The following IMPA2 variants were observed in gnomAD, a reference collection of about 807,000 sequenced individuals.
The protein encoded by IMPA2 is inositol monophosphatase 2, also known as IMP 2.
In IMPA2, 32 loss-of-function variants were observed where a neutral mutation model predicts 35.1. The observed-to-expected ratio is 0.91, with a 90% CI of 0.69 to 1.23. The LOEUF (loss-of-function observed/expected upper bound fraction) is 1.23, where lower values mean the gene tolerates loss of function less well. IMPA2 is among the 50% of genes most tolerant of loss of function. IMPA2 has a pLI of 0.00. For missense variants in IMPA2, 334 were observed against 387.6 expected (o/e 0.86, Z 1.16); for synonymous variants, 135 against 160.6 (o/e 0.84, Z 1.20).
At chr18:12,008,106 C>G (rs1024970879) in intron 2 of IMPA2, among the ~76,000 whole-genome samples, 1 of 152,182 alleles carries the variant, frequency 6.6e-6, no homozygotes, top group Non-Finnish European at 1.5e-5. Context: ...AGCAATTCTC[C>G]TCTCTCAGTC....
At chr18:11,994,955 G>A (rs995152678) in intron 1 of IMPA2, 3 of 152,488 alleles carry the variant, frequency 2.0e-5, no homozygotes, top group Non-Finnish European at 4.4e-5. Context: ...CATGAAGGAG[G>A]AGGACAGTGG....
At chr18:11,981,935 C>T (rs1405439913) in intron 1 of IMPA2, among the ~76,000 whole-genome samples, 170 bp downstream of exon 1, 2 of 152,194 alleles carry the variant, frequency 1.3e-5, no homozygotes, top group African/African-American at 4.8e-5. Context: ...GTGTCCTGGA[C>T]ACACCTCCCG....
chr18:11,983,666 C>T (rs1044546726), intron 1 of IMPA2, among the ~76,000 whole-genome samples: 3 of 152,126 alleles, frequency 2.0e-5, no homozygotes, highest in Middle Eastern at 3.4e-3. Context: ...AATAAAGATG[C>T]TGCCATTAGG....
intron 5 of IMPA2, among the ~76,000 whole-genome samples, chr18:12,022,416 G>A (rs1398203428): frequency 6.6e-6 from 1 of 151,100 alleles, no homozygotes; most frequent in African/African-American, 2.4e-5. Context: ...CCAGCTATTC[G>A]GGAGGCTGAG....
intron 1 of IMPA2, among the ~76,000 whole-genome samples, chr18:11,984,931 G>C (rs1384146200): frequency 7.0e-6 from 1 of 143,670 alleles, no homozygotes; most frequent in Non-Finnish European, 1.5e-5. Flanking sequence ...TCGTGCCACT[G>C]CACTCCAGCC....
At position 11,991,389 on chromosome 18, in the gene IMPA2, C is replaced by T. The variant is rs1217814904; in HGVS notation, c.97-7665C>T. Among the ~76,000 whole-genome samples the T allele has an allele frequency of 6.6e-6, 1 of 152,028 alleles. No homozygotes were observed. The highest frequency in any genetic ancestry group is 1.5e-5 in the Non-Finnish European group (1 of 68,006). On this transcript the variant is annotated intron_variant, in intron 1 of 7. Coordinates refer to ENST00000269159, the MANE Select transcript of IMPA2 (RefSeq NM_014214.3). The surrounding 1 kb of genome is among the most constrained non-coding windows in gnomAD (Gnocchi z 4.1). ...GGAGCCACGTCTGCTTGGACCAGCT[C>T]CTCCTCTTCCTCCCAGGGTTGAGGT...
At chr18:12,022,692 A>C (rs1331218896) in intron 5 of IMPA2, among the ~76,000 whole-genome samples, 2 of 151,096 alleles carry the variant, frequency 1.3e-5, no homozygotes, top group East Asian at 3.9e-4. Context: ...GGTTGTCATA[A>C]GTTTTTTCCC....
At chr18:11,993,147 A>T (rs1284153342) in intron 1 of IMPA2, among the ~76,000 whole-genome samples, 1 of 152,178 alleles carries the variant, frequency 6.6e-6, no homozygotes, top group Admixed American at 6.5e-5. Flanking sequence ...ACCTCATGTG[A>T]TTCCTAAAAC....
intron 1 of IMPA2, among the ~76,000 whole-genome samples, chr18:11,985,562 A>G (rs1247626316): frequency 1.3e-5 from 2 of 152,206 alleles, no homozygotes; most frequent in Non-Finnish European, 1.5e-5. Context: ...ATTTTTTTAT[A>G]CATTAGTTGT....
intron 1 of IMPA2, among the ~76,000 whole-genome samples, chr18:11,986,061 C>T (rs118021365): frequency 0.03 from 4,598 of 152,284 alleles, 88 homozygotes; most frequent in Non-Finnish European, 0.048. Flanking sequence ...ATTAGCTTCA[C>T]AGGAAATTCA....
intron 5 of IMPA2, among the ~76,000 whole-genome samples, chr18:12,026,622 C>T (rs1907887773): frequency 6.6e-6 from 1 of 152,140 alleles, no homozygotes; most frequent in South Asian, 2.1e-4. Flanking sequence ...TGGAAGCCTT[C>T]CCCACCCCCA....
chr18:12,027,206 G>C (rs549149898), intron 5 of IMPA2, among the ~76,000 whole-genome samples: 103 of 152,302 alleles, frequency 6.8e-4, no homozygotes, highest in African/African-American at 2.4e-3. Flanking sequence ...GCTGTGTTTG[G>C]GTGTGTGGCA....
intron 5 of IMPA2, among the ~76,000 whole-genome samples, chr18:12,015,824 C>T (rs45450292): frequency 0.14 from 21,873 of 152,268 alleles, 1,874 homozygotes; most frequent in East Asian, 0.43. Flanking sequence ...AAGCATGCTA[C>T]TAAGCATGCT....
chr18:11,992,932 C>T (rs1003100100), intron 1 of IMPA2, among the ~76,000 whole-genome samples: 2 of 152,138 alleles, frequency 1.3e-5, no homozygotes, highest in Non-Finnish European at 1.5e-5. Flanking sequence ...TAGGACAATT[C>T]GTGAATTAAA....
intron 1 of IMPA2, among the ~76,000 whole-genome samples, chr18:11,984,103 C>G (rs2143770334): frequency 6.6e-6 from 1 of 152,290 alleles, no homozygotes. Flanking sequence ...GAGAGACCTT[C>G]CAAGAGATAA....
intron 5 of IMPA2, among the ~76,000 whole-genome samples, chr18:12,019,875 T>TA (rs199737952): frequency 2.0e-5 from 3 of 152,026 alleles, no homozygotes; most frequent in Admixed American, 6.5e-5. Context: ...TTCAAAAAAA[T>TA]AAAAAAATAT....
intron 2 of IMPA2, among the ~76,000 whole-genome samples, chr18:12,002,858 A>C: frequency 6.6e-6 from 1 of 151,986 alleles, no homozygotes; most frequent in Non-Finnish European, 1.5e-5. Context: ...ACCCCACTGC[A>C]CTGCAGCCTG....
Position 11,991,658 on chromosome 18 carries a change from G to A in IMPA2, c.97-7396G>A, listed in dbSNP as rs920148934. Reference sequence around the variant, plus strand: ...GATGTTCCAGTTTGAAGGCCATAGGGCAGGAAGAGTTGTTCATGTGGACAG... The same window carrying A: ...GATGTTCCAGTTTGAAGGCCATAGGACAGGAAGAGTTGTTCATGTGGACAG... On this transcript the variant is annotated intron_variant, in intron 1 of 7. Transcript: ENST00000269159. This position sits in a 1 kb window ranked among gnomAD's most constrained non-coding sequence, Gnocchi z 4.1. Among the ~76,000 whole-genome samples, 1 of 152,146 alleles carries A rather than the reference G, an allele frequency of 6.6e-6. No homozygotes were observed. Among genetic ancestry groups the A allele is most frequent in the East Asian group, 1.9e-4 (1 of 5,182 alleles).
intron 1 of IMPA2, among the ~76,000 whole-genome samples, chr18:11,990,215 C>T (rs964333608): frequency 1.3e-5 from 2 of 152,186 alleles, no homozygotes; most frequent in African/African-American, 4.8e-5. Context: ...GCGCCCTGCC[C>T]CTGGGCTCAC....
Sources: allele counts gnomAD v4.1 joint callset (sites outside exome capture counted in the v4.1 genomes callset), GRCh38; gene constraint gnomAD v4.1.1; non-coding constraint Gnocchi (gnomAD v3.1); transcripts MANE v1.5; gene names NCBI Gene and HGNC (gene_info 2026-07-23, HGNC 2026-07-21).